The following FNDC3B variants were observed in gnomAD, a reference collection of about 807,000 sequenced individuals.
The protein encoded by FNDC3B is fibronectin type III domain-containing protein 3B.
A neutral mutation model predicts 151.5 loss-of-function variants in FNDC3B; 12 were observed. The observed-to-expected ratio is 0.08, with a 90% CI of 0.05 to 0.13. FNDC3B has a LOEUF of 0.13. FNDC3B is among the 10% of genes least tolerant of loss of function. FNDC3B has a pLI of 1.00. For synonymous variants in FNDC3B, 528 were observed against 549.0 expected (o/e 0.96, Z 0.54); for missense variants, 1,214 against 1,505.3 (o/e 0.81, Z 3.20).
At chr3:172,309,313 G>A (rs963728817) in intron 10 of FNDC3B, among the ~76,000 whole-genome samples, 18 of 152,128 alleles carry the variant, frequency 1.2e-4, no homozygotes, top group East Asian at 3.9e-4. Context: ...CTTTTTGTTC[G>A]TCAGCAACAG....
chr3:172,047,049 G>A (rs938997514), intron 1 of FNDC3B: 2 of 152,182 alleles, frequency 1.3e-5, no homozygotes, highest in South Asian at 2.1e-4. Context: ...ATATTAGAAT[G>A]TAAGGATACA....
chr3:172,382,838 G>T (rs1735529427), intron 25 of FNDC3B, among the ~76,000 whole-genome samples: 1 of 152,102 alleles, frequency 6.6e-6, no homozygotes, highest in Admixed American at 6.5e-5. Context: ...TATCTGTTTT[G>T]GTACCAGTAC....
chr3:172,307,056 AT>A (rs1731235067), intron 9 of FNDC3B: 2 of 222,830 alleles, frequency 9.0e-6, no homozygotes, highest in African/African-American at 2.3e-5. Flanking sequence ...TAGAACATAT[AT>A]TTGGAGATCG....
intron 1 of FNDC3B, among the ~76,000 whole-genome samples, chr3:172,081,878 G>A (rs1382120540): frequency 1.3e-5 from 2 of 152,166 alleles, no homozygotes; most frequent in African/African-American, 4.8e-5. Flanking sequence ...TGACTAAAAA[G>A]AGCTTTTATT....
chr3:172,126,926 A>G, intron 2 of FNDC3B: 1 of 417,746 alleles, frequency 2.4e-6, no homozygotes, highest in African/African-American at 2.0e-5. Flanking sequence ...ACTTCTGTGA[A>G]TGGATTCCTA....
intron 13 of FNDC3B, 55 bp downstream of exon 13, chr3:172,330,770 T>A: frequency 7.3e-7 from 1 of 1,377,796 alleles, no homozygotes; most frequent in Non-Finnish European, 1.0e-6. Flanking sequence ...AGTATTATTA[T>A]AGCTACAGGG....
chr3:172,134,218 G>C (rs1221417973), intron 3 of FNDC3B: 1 of 382,646 alleles, frequency 2.6e-6, no homozygotes, highest in Non-Finnish European at 5.3e-6. Context: ...TTTTATTACA[G>C]CTCCTAGCAC....
chr3:172,177,066 G>C (rs774478559), intron 3 of FNDC3B, among the ~76,000 whole-genome samples: 3 of 152,208 alleles, frequency 2.0e-5, no homozygotes, highest in Non-Finnish European at 2.9e-5. Flanking sequence ...TGGAGGATGA[G>C]GAACTTGATC....
At chr3:172,150,676 T>G (rs1445169307) in intron 3 of FNDC3B, among the ~76,000 whole-genome samples, 1 of 152,044 alleles carries the variant, frequency 6.6e-6, no homozygotes, top group Non-Finnish European at 1.5e-5. Flanking sequence ...TCAGGAGATG[T>G]GAAAATGTGA....
At chr3:172,073,936 G>C (rs1717895117) in intron 1 of FNDC3B, among the ~76,000 whole-genome samples, 1 of 151,568 alleles carries the variant, frequency 6.6e-6, no homozygotes, top group Admixed American at 6.6e-5. Context: ...CCCACCACAT[G>C]ACCCTTAAGA....
At chr3:172,164,991 A>G (rs1722941377) in intron 3 of FNDC3B, among the ~76,000 whole-genome samples, 2 of 152,188 alleles carry the variant, frequency 1.3e-5, no homozygotes, top group Non-Finnish European at 2.9e-5. Flanking sequence ...ATATTTTTCA[A>G]GATATCTTAG....
intron 25 of FNDC3B, among the ~76,000 whole-genome samples, chr3:172,387,408 AT>A (rs1352672628): frequency 2.6e-5 from 4 of 152,098 alleles, no homozygotes; most frequent in Non-Finnish European, 4.4e-5. Context: ...CCTTCATCAT[AT>A]TTTTTTAATG....
At chr3:172,150,704 G>T (rs999045395) in intron 3 of FNDC3B, among the ~76,000 whole-genome samples, 1 of 151,762 alleles carries the variant, frequency 6.6e-6, no homozygotes, top group African/African-American at 2.4e-5. Context: ...ACTTGGAATC[G>T]GTGAAATATG....
intron 23 of FNDC3B, among the ~76,000 whole-genome samples, chr3:172,372,425 A>G (rs1734925688): frequency 6.6e-6 from 1 of 152,204 alleles, no homozygotes; most frequent in Admixed American, 6.5e-5. Flanking sequence ...AAAATGACTC[A>G]GTGACTTTAT....
At chr3:172,155,146 G>A (rs1392888805) in intron 3 of FNDC3B, among the ~76,000 whole-genome samples, 1 of 152,208 alleles carries the variant, frequency 6.6e-6, no homozygotes, top group African/African-American at 2.4e-5. Context: ...CTTAGTCAAA[G>A]ATGATCCTCA....
At chr3:172,338,897 G>C (rs566521463) in intron 16 of FNDC3B, among the ~76,000 whole-genome samples, 1 of 151,768 alleles carries the variant, frequency 6.6e-6, no homozygotes, top group Non-Finnish European at 1.5e-5. Context: ...CCACTAGGCC[G>C]GCTAATTTTT....
chr3:172,148,893 T>C (rs1027682110), intron 3 of FNDC3B, among the ~76,000 whole-genome samples: 3 of 152,206 alleles, frequency 2.0e-5, no homozygotes, highest in Non-Finnish European at 4.4e-5. Flanking sequence ...AGGCTCCATC[T>C]CAGATGTAAC....
At chr3:172,140,712 A>C (rs1416891204) in intron 3 of FNDC3B, among the ~76,000 whole-genome samples, 1 of 152,162 alleles carries the variant, frequency 6.6e-6, no homozygotes, top group Admixed American at 6.5e-5. Context: ...GGGATTGTGT[A>C]ATGTCATGAG....
chr3:172,327,398 T>G (rs1308181980), intron 11 of FNDC3B, among the ~76,000 whole-genome samples: 27 of 148,602 alleles, frequency 1.8e-4, no homozygotes, highest in Admixed American at 2.7e-4. Context: ...GTGATTTTTT[T>G]GGGGGGCGGG....
Sources: allele counts gnomAD v4.1 joint callset (sites outside exome capture counted in the v4.1 genomes callset), GRCh38; gene constraint gnomAD v4.1.1; transcripts MANE v1.5; gene names NCBI Gene and HGNC (gene_info 2026-07-23, HGNC 2026-07-21).